The following CDH13 variants were observed in gnomAD, a reference collection of about 807,000 sequenced individuals.
The protein encoded by CDH13 is cadherin 13.
In CDH13, 24 loss-of-function variants were observed where a neutral mutation model predicts 63.8. The observed-to-expected ratio is 0.38, with a 90% CI of 0.27 to 0.53. CDH13 has a LOEUF of 0.53. CDH13 is among the 20% of genes least tolerant of loss of function. The pLI, the probability that CDH13 is intolerant of heterozygous loss-of-function variation, is 0.85. For synonymous variants in CDH13, 503 were observed against 355.3 expected (o/e 1.42, Z -4.67); for missense variants, 1,049 against 903.1 (o/e 1.16, Z -2.07).
rs562595673 is a variant in CDH13, at chr16:82,946,776, A to G, written c.158-85234A>G. ...AGTAACAAAACAAAATCTCAAGGCA[A>G]CATATCTGATTTATGGTTCACTAAC... On this transcript the variant is annotated intron_variant, in intron 2 of 13. Coordinates refer to ENST00000567109, the MANE Select transcript of CDH13 (RefSeq NM_001257.5). Among the ~76,000 whole-genome samples the G allele has an allele frequency of 3.9e-5, 6 of 152,288 alleles. No homozygotes were observed. The South Asian group carries it at 1.2e-3, about 32-fold the overall frequency.
At chr16:83,492,709 C>G (rs762424942) in intron 7 of CDH13, among the ~76,000 whole-genome samples, 1 of 152,148 alleles carries the variant, frequency 6.6e-6, no homozygotes, top group African/African-American at 2.4e-5. Context: ...AATTTAGTTC[C>G]ATGAGTGCAG....
At chr16:82,734,862 G>C (rs569528192) in intron 1 of CDH13, among the ~76,000 whole-genome samples, 2 of 152,192 alleles carry the variant, frequency 1.3e-5, no homozygotes, top group African/African-American at 2.4e-5. Context: ...GCTGAGAGCC[G>C]AGGGCTGCCT....
intron 5 of CDH13, among the ~76,000 whole-genome samples, chr16:83,225,487 C>T (rs775404080): frequency 1.1e-4 from 16 of 152,226 alleles, no homozygotes; most frequent in African/African-American, 1.9e-4. Context: ...CATGTTACTG[C>T]GTGTTTGCTT....
intron 10 of CDH13, among the ~76,000 whole-genome samples, chr16:83,710,811 C>A (rs16961397): frequency 6.6e-6 from 1 of 152,098 alleles, no homozygotes; most frequent in Non-Finnish European, 1.5e-5. Flanking sequence ...GCTTGTTATT[C>A]GGAACGGGAG....
chr16:82,829,072 A>G (rs9939413), intron 1 of CDH13, among the ~76,000 whole-genome samples: 24,439 of 152,154 alleles, frequency 0.16, 2,541 homozygotes, highest in Non-Finnish European at 0.23. Flanking sequence ...TACATTGTCC[A>G]GAAGTAAGGG....
rs142021876 is a variant in CDH13, at chr16:83,013,355, A to G, written c.158-18655A>G. Reference sequence around the variant, plus strand: ...TGACTTCACAACTTTGTGTCATCCTATAGGAGTATGAGTTCAGCTCCTGGA... The same window carrying G: ...TGACTTCACAACTTTGTGTCATCCTGTAGGAGTATGAGTTCAGCTCCTGGA... On this transcript the variant is annotated intron_variant, in intron 2 of 13. Coordinates refer to ENST00000567109, the MANE Select transcript of CDH13 (RefSeq NM_001257.5). Among the ~76,000 whole-genome samples, 404 of 152,296 alleles carry G rather than the reference A, an allele frequency of 2.7e-3. 2 individuals are homozygous for G. The highest frequency in any genetic ancestry group is 8.6e-3 in the African/African-American group (356 of 41,556).
intron 10 of CDH13, among the ~76,000 whole-genome samples, chr16:83,715,845 G>T (rs1228806348): frequency 6.6e-6 from 1 of 152,152 alleles, no homozygotes. Flanking sequence ...AGCAATTAGG[G>T]TGTTTTTACC....
intron 1 of CDH13, among the ~76,000 whole-genome samples, chr16:82,807,004 G>A (rs1567554910): frequency 6.6e-6 from 1 of 151,878 alleles, no homozygotes; most frequent in Admixed American, 6.6e-5. Context: ...CTATCTTTGA[G>A]AAAGTAAGAC....
At chr16:83,440,022 G>A (rs1266736455) in intron 6 of CDH13, among the ~76,000 whole-genome samples, 1 of 152,224 alleles carries the variant, frequency 6.6e-6, no homozygotes, top group East Asian at 1.9e-4. Context: ...GACCCACGGT[G>A]TCTGTGCAGG....
Position 83,758,914 on chromosome 16 carries a change from C to T in CDH13, c.1681+10664C>T, listed in dbSNP as rs369120800. Among the ~76,000 whole-genome samples the T allele has an allele frequency of 3.0e-3, 463 of 152,236 alleles. 3 individuals carry two copies. Among genetic ancestry groups the T allele is most frequent in the South Asian group, 0.029 (142 of 4,822 alleles). ...AGCCCACATTAACGGAGAGATATAC[C>T]ATGTTCATGGATTGGAAGGCTCAAT... On this transcript the variant is annotated intron_variant, in intron 11 of 13. Transcript: ENST00000567109.
chr16:83,050,761 A>G (rs1214265256), intron 3 of CDH13, among the ~76,000 whole-genome samples: 1 of 152,038 alleles, frequency 6.6e-6, no homozygotes, highest in Non-Finnish European at 1.5e-5. Flanking sequence ...GAACGCTCAT[A>G]CTGGGGTTAA....
At chr16:83,239,203 A>G (rs1157401165) in intron 5 of CDH13, among the ~76,000 whole-genome samples, 2 of 152,150 alleles carry the variant, frequency 1.3e-5, no homozygotes, top group African/African-American at 2.4e-5. Context: ...AGAGATCAAC[A>G]GTAGTTCAGT....
Position 83,080,871 on chromosome 16 carries a change from G to GTTTTTTTTTTTTTTTTTTTTTT in CDH13, c.367-44508_367-44487dup, listed in dbSNP as rs71148809. Among the ~76,000 whole-genome samples, 43 of 46,956 alleles carry GTTTTTTTTTTTTTTTTTTTTTT rather than the reference G, an allele frequency of 9.2e-4. 10 individuals are homozygous for GTTTTTTTTTTTTTTTTTTTTTT. Among genetic ancestry groups the GTTTTTTTTTTTTTTTTTTTTTT allele is most frequent in the East Asian group, 4.7e-3 (5 of 1,054 alleles). The allele number at this position is 46,956 out of a possible 152,430, so 30.8% of individuals were successfully genotyped here. The stretch of plus-strand genomic sequence containing the variant: ...AGATAGAGTTTTGTTTTGTTTTTGT[G>GTTTTTTTTTTTTTTTTTTTTTT]TTTTTTTTTTTTTTTTTTTTTTTTT... On this transcript the variant is annotated intron_variant, in intron 3 of 13. Transcript: ENST00000567109.
At chr16:83,451,799 T>C (rs530771317) in intron 6 of CDH13, among the ~76,000 whole-genome samples, 16 of 152,376 alleles carry the variant, frequency 1.1e-4, no homozygotes, top group South Asian at 2.1e-4. Context: ...ATTACAGGCA[T>C]GTGCCACACG....
chr16:83,057,318 T>C (rs1205784408), intron 3 of CDH13, among the ~76,000 whole-genome samples: 1 of 152,094 alleles, frequency 6.6e-6, no homozygotes, highest in East Asian at 1.9e-4. Context: ...TGTGGTTACC[T>C]TTGAAAAGGT....
chr16:83,100,480 T>C (rs576494561), intron 3 of CDH13, among the ~76,000 whole-genome samples: 2 of 152,290 alleles, frequency 1.3e-5, no homozygotes, highest in South Asian at 4.1e-4. Flanking sequence ...AGAGACAAGA[T>C]AGAAATCAAG....
At chr16:83,548,614 G>T (rs1350127139) in intron 7 of CDH13, among the ~76,000 whole-genome samples, 4 of 152,182 alleles carry the variant, frequency 2.6e-5, no homozygotes, top group East Asian at 1.9e-4. Flanking sequence ...TTTACAAGGG[G>T]TATGTGGTGT....
Position 83,344,875 on chromosome 16 carries a change from C to T in CDH13, c.650C>T (p.Thr217Ile). ...TTGCTCAAATAGCTATTTGTGGAGA[C>T]CACTGATGTCAATGGCAAAACTCTC... ...VIAVYQLFVE[T>I]TDVNGKTLEG... The change falls in exon 6 of 14, where the codon ACC (threonine) becomes ATC (isoleucine). Residue 217 changes from threonine to isoleucine, a missense_variant. Transcript: ENST00000567109. 6.2e-7 allele frequency: 1 copy of T among 1,613,880 alleles called. No homozygotes were observed. The highest frequency in any genetic ancestry group is 1.1e-5 in the South Asian group (1 of 91,076).
intron 6 of CDH13, among the ~76,000 whole-genome samples, chr16:83,389,972 T>C (rs2151427882): frequency 6.6e-6 from 1 of 152,346 alleles, no homozygotes; most frequent in African/African-American, 2.4e-5. Context: ...TTATTTATAG[T>C]CATTCAGTGA....
Sources: gnomAD v4.1 joint callset for allele counts (sites outside exome capture counted in the v4.1 genomes callset) on GRCh38, gnomAD v4.1.1 for gene constraint, MANE v1.5 for transcripts, NCBI Gene and HGNC (gene_info 2026-07-23, HGNC 2026-07-21) for gene names.